The following ZBBX variants were observed in gnomAD, a reference collection of about 807,000 sequenced individuals.
The protein encoded by ZBBX is zinc finger B-box domain-containing protein 1.
A neutral mutation model predicts 108.5 loss-of-function variants in ZBBX; 101 were observed. The ratio of observed to expected loss-of-function variants is 0.93; its 90% CI spans 0.79 to 1.10. ZBBX has a LOEUF of 1.10. Among genes scored for constraint, ZBBX ranks in the 50% least tolerant of loss-of-function variants. ZBBX has a pLI of 0.00. For missense variants in ZBBX, 1,009 were observed against 941.4 expected (o/e 1.07, Z -0.94); for synonymous variants, 356 against 323.4 (o/e 1.10, Z -1.08).
the ZBBX span, among the ~76,000 whole-genome samples, chr3:167,181,334 G>T: frequency 2.0e-5 from 3 of 152,156 alleles, no homozygotes; most frequent in Non-Finnish European, 4.4e-5. Flanking sequence ...AAATTTATAG[G>T]TACAGAAGCT....
chr3:167,263,381 CCTA>C (rs900123678), intron 20 of ZBBX, among the ~76,000 whole-genome samples: 1 of 152,140 alleles, frequency 6.6e-6, no homozygotes, highest in Non-Finnish European at 1.5e-5. Context: ...CAATTTCTCT[CCTA>C]CTGCTTTCAT....
chr3:167,272,916 G>T (rs1576841517), intron 20 of ZBBX, among the ~76,000 whole-genome samples: 1 of 152,136 alleles, frequency 6.6e-6, no homozygotes, highest in African/African-American at 2.4e-5. Flanking sequence ...TTACTAAGGA[G>T]AGCACCTCCC....
intron 12 of ZBBX, among the ~76,000 whole-genome samples, chr3:167,320,372 C>G (rs1736239166): frequency 6.6e-6 from 1 of 151,494 alleles, no homozygotes; most frequent in South Asian, 2.1e-4. Context: ...AGATATCAAT[C>G]CCCAAAATAA....
At chr3:167,293,950 T>C (rs1015987842) in intron 18 of ZBBX, among the ~76,000 whole-genome samples, 5 of 152,076 alleles carry the variant, frequency 3.3e-5, no homozygotes, top group African/African-American at 1.2e-4. Flanking sequence ...TCACAATTAC[T>C]ACAAAGAGAA....
chr3:167,364,040 T>A (rs1047665960), intron 6 of ZBBX, among the ~76,000 whole-genome samples: 3 of 152,004 alleles, frequency 2.0e-5, no homozygotes, highest in African/African-American at 7.2e-5. Flanking sequence ...GTTAAGTGAA[T>A]GTTAATCTAT....
At chr3:167,340,337 T>C (rs1158100465) in intron 9 of ZBBX, among the ~76,000 whole-genome samples, 2 of 152,092 alleles carry the variant, frequency 1.3e-5, no homozygotes, top group Non-Finnish European at 2.9e-5. Context: ...CCTCAAAGTA[T>C]CATAGACCTA....
At chr3:167,307,718 A>G (rs759513152) in intron 16 of ZBBX, among the ~76,000 whole-genome samples, 7 of 152,194 alleles carry the variant, frequency 4.6e-5, no homozygotes, top group Non-Finnish European at 1.0e-4. Context: ...TGGGGAAAGG[A>G]TTCCCTATTC....
At position 167,366,722 on chromosome 3, in the gene ZBBX, C is replaced by G. The variant is rs74477837; in HGVS notation, c.183-746G>C. The G allele has an allele frequency of 2.1e-4, 85 of 398,718 alleles. No individual in the cohort carries two copies. In the East Asian group the frequency reaches 5.8e-3, roughly 27 times the overall value. 24.7% of individuals were successfully genotyped at this position (398,718 alleles called of 1,614,324 possible). A position where few individuals can be genotyped will look rare whatever the true frequency, so the allele number is the denominator to read the frequency against. On this transcript the variant is annotated intron_variant, in intron 5 of 21. Transcript: ENST00000675490. Reference sequence around the variant, plus strand: ...AATGTAACTATTCTGAAAACTCAGTCAAGCTTTAGAATGTTAAGAATCATC... The same window carrying G: ...AATGTAACTATTCTGAAAACTCAGTGAAGCTTTAGAATGTTAAGAATCATC...
rs752746299 is a variant in ZBBX at position 167,305,959 on chromosome 3, AAC to A, written c.1418-11_1418-10del. ...TGTGTTTGAAGTTTCTGCTGTTAAA[AAC>A]ACACAGTTACAAAAGGTACATAAAT... On this transcript the variant is annotated splice_polypyrimidine_tract_variant and intron_variant, in intron 16 of 21. Coordinates refer to ENST00000675490, the MANE Select transcript of ZBBX (RefSeq NM_001199201.2). 75 of 1,502,560 alleles carry A rather than the reference AAC, an allele frequency of 5.0e-5. No homozygotes were observed. Among genetic ancestry groups the A allele is most frequent in the South Asian group, 2.4e-4 (17 of 70,812 alleles). 93.1% of individuals were successfully genotyped at this position (1,502,560 alleles called of 1,614,324 possible). A position where few individuals can be genotyped will look rare whatever the true frequency, so the allele number is the denominator to read the frequency against.
chr3:167,218,907 CAT>C, the ZBBX span, among the ~76,000 whole-genome samples: 1 of 151,906 alleles, frequency 6.6e-6, no homozygotes, highest in Admixed American at 6.6e-5. Context: ...TAAAGACACA[CAT>C]AGACTGAAAA....
At chr3:167,301,679 C>T (rs767434358) in intron 17 of ZBBX, among the ~76,000 whole-genome samples, 1 of 152,084 alleles carries the variant, frequency 6.6e-6, no homozygotes, top group Admixed American at 6.5e-5. Flanking sequence ...CATATTTGGA[C>T]GGGCGCAGTG....
intron 9 of ZBBX, among the ~76,000 whole-genome samples, chr3:167,343,031 C>A (rs186572396): frequency 1.3e-5 from 2 of 151,852 alleles, no homozygotes; most frequent in African/African-American, 4.8e-5. Context: ...TTGGACTCAT[C>A]ATTAATATTA....
the ZBBX span, among the ~76,000 whole-genome samples, chr3:167,225,519 A>C: frequency 6.6e-6 from 1 of 151,822 alleles, no homozygotes; most frequent in Non-Finnish European, 1.5e-5. Flanking sequence ...CAATCATTGA[A>C]AACACAGTGA....
intron 4 of ZBBX, chr3:167,368,851 T>G (rs1017915549): frequency 2.2e-6 from 1 of 451,200 alleles, no homozygotes; most frequent in African/African-American, 2.1e-5. Context: ...GGCATGTTTT[T>G]ATATATGAAC....
intron 20 of ZBBX, among the ~76,000 whole-genome samples, chr3:167,281,274 G>A (rs1467248646): frequency 2.0e-5 from 3 of 151,896 alleles, no homozygotes; most frequent in Admixed American, 6.6e-5. Flanking sequence ...AAATAAATAA[G>A]TAAAAAATGA....
the ZBBX span, among the ~76,000 whole-genome samples, chr3:167,200,313 A>G: frequency 6.6e-6 from 1 of 152,174 alleles, no homozygotes. Flanking sequence ...CAAATGTTAC[A>G]TGAGACATAA....
rs1553832868 is a variant in ZBBX at position 167,348,354 on chromosome 3, A to AAGAAAGAAAGAAAGAAAGAAAG, written c.528+2065_528+2066insCTTTCTTTCTTTCTTTCTTTCT. ...AAAGAAAGAAAGAAAGAAAGAAAGA[A>AAGAAAGAAAGAAAGAAAGAAAG]AGAAAGAAAGAAAGAAAAAAAAGAA... On this transcript the variant is annotated intron_variant, in intron 9 of 21. Coordinates refer to ENST00000675490, the MANE Select transcript of ZBBX (RefSeq NM_001199201.2). Among the ~76,000 whole-genome samples, 121 of 69,634 alleles carry AAGAAAGAAAGAAAGAAAGAAAG rather than the reference A, an allele frequency of 1.7e-3. 2 individuals are homozygous for AAGAAAGAAAGAAAGAAAGAAAG. Among genetic ancestry groups the AAGAAAGAAAGAAAGAAAGAAAG allele is most frequent in the Admixed American group, 5.5e-3 (33 of 6,010 alleles). The allele number at this position is 69,634 out of a possible 152,430, so 45.7% of individuals were successfully genotyped here.
At chr3:167,234,295 T>C in the ZBBX span, among the ~76,000 whole-genome samples, 75 of 152,020 alleles carry the variant, frequency 4.9e-4, no homozygotes, top group East Asian at 0.013. Context: ...TACCCTAATA[T>C]TGGAACACTC....
At chr3:167,264,831 C>T (rs1342383865) in intron 20 of ZBBX, among the ~76,000 whole-genome samples, 2 of 152,202 alleles carry the variant, frequency 1.3e-5, no homozygotes, top group African/African-American at 4.8e-5. Context: ...TTTCTATAGG[C>T]AGAGGTCTCT....
Sources: allele counts gnomAD v4.1 joint callset (sites outside exome capture counted in the v4.1 genomes callset), GRCh38; gene constraint gnomAD v4.1.1; transcripts MANE v1.5; gene names NCBI Gene and HGNC (gene_info 2026-07-23, HGNC 2026-07-21).